The following TMEM117 variants were observed in gnomAD, a reference collection of about 807,000 sequenced individuals.
TMEM117 encodes the protein transmembrane protein 117.
A neutral mutation model predicts 52.4 loss-of-function variants in TMEM117; 27 were observed. That is an observed-to-expected ratio of 0.51 (90% CI 0.38 to 0.71). The LOEUF (loss-of-function observed/expected upper bound fraction) is 0.71, where lower values mean the gene tolerates loss of function less well. TMEM117 is among the 30% of genes least tolerant of loss of function. The pLI, the probability that TMEM117 is intolerant of heterozygous loss-of-function variation, is 0.00. For missense variants in TMEM117, 556 were observed against 630.5 expected, an observed-to-expected ratio of 0.88 and a Z score of 1.26; for synonymous variants, 215 against 206.3, an observed-to-expected ratio of 1.04 and a Z score of -0.36.
At chr12:43,889,586 T>C (rs963360418) in intron 2 of TMEM117, among the ~76,000 whole-genome samples, 1 of 152,146 alleles carries the variant, frequency 6.6e-6, no homozygotes, top group Non-Finnish European at 1.5e-5. Context: ...GACCCAGAGG[T>C]TGGGGACCCC....
chr12:44,275,159 AAAG>A (rs1950496663), intron 5 of TMEM117, among the ~76,000 whole-genome samples: 1 of 152,178 alleles, frequency 6.6e-6, no homozygotes, highest in Non-Finnish European at 1.5e-5. Flanking sequence ...ACATTTCTCA[AAAG>A]AAGACATGCA....
chr12:44,268,631 T>C (rs1950409297), intron 5 of TMEM117, among the ~76,000 whole-genome samples: 1 of 152,186 alleles, frequency 6.6e-6, no homozygotes. Context: ...ATGTATACTA[T>C]ACAGTATATG....
intron 3 of TMEM117, among the ~76,000 whole-genome samples, chr12:44,043,471 G>A (rs940554789): frequency 3.9e-5 from 6 of 152,112 alleles, no homozygotes; most frequent in Non-Finnish European, 5.9e-5. Context: ...GTTTGTAAAC[G>A]CTGATGAAAC....
At chr12:43,799,355 C>T in the TMEM117 span, 1 of 1,301,706 alleles carries the variant, frequency 7.7e-7, no homozygotes, top group Non-Finnish European at 1.1e-6. Context: ...ACAGTATTTT[C>T]AAACACTTAA....
intron 5 of TMEM117, among the ~76,000 whole-genome samples, chr12:44,214,138 ATTTTTTTTT>A (rs773352634): frequency 2.1e-4 from 21 of 99,284 alleles, no homozygotes; most frequent in South Asian, 1.6e-3. Flanking sequence ...TTTTTTTTTA[ATTTTTTTTT>A]TTTTTTTTTT....
intron 6 of TMEM117, among the ~76,000 whole-genome samples, chr12:44,330,563 T>C (rs1042358603): frequency 2.6e-5 from 4 of 152,086 alleles, no homozygotes; most frequent in African/African-American, 7.2e-5. Context: ...TCATACTAAG[T>C]TGTTAGTGTG....
At chr12:43,835,018 A>G (rs1247021108), upstream of TMEM117, among the ~76,000 whole-genome samples, 5 of 152,210 alleles carry the variant, frequency 3.3e-5, no homozygotes, top group Non-Finnish European at 5.9e-5. Context: ...CTCTGCCTTC[A>G]TAAGTTTGCT....
intron 2 of TMEM117, among the ~76,000 whole-genome samples, chr12:43,906,974 T>C (rs978847078): frequency 4.6e-5 from 7 of 152,294 alleles, no homozygotes; most frequent in South Asian, 2.1e-4. Flanking sequence ...CTGGGAAGCT[T>C]GAACTGGGTG....
chr12:43,870,816 C>T (rs1249729370), intron 2 of TMEM117, among the ~76,000 whole-genome samples: 1 of 151,932 alleles, frequency 6.6e-6, no homozygotes, highest in African/African-American at 2.4e-5. Flanking sequence ...CGGAGTATCG[C>T]TGTTGTTGCC....
chr12:43,975,467 T>C (rs909191998), intron 3 of TMEM117, among the ~76,000 whole-genome samples: 2 of 152,166 alleles, frequency 1.3e-5, no homozygotes, highest in African/African-American at 4.8e-5. Flanking sequence ...TTAATGCTCA[T>C]GACAGTTTAG....
At chr12:44,321,594 C>A (rs1422130335) in intron 6 of TMEM117, among the ~76,000 whole-genome samples, 1 of 152,052 alleles carries the variant, frequency 6.6e-6, no homozygotes, top group African/African-American at 2.4e-5. Flanking sequence ...TCTGGTGACT[C>A]CCACCCAGAG....
intron 2 of TMEM117, among the ~76,000 whole-genome samples, chr12:43,939,266 A>G (rs891798024): frequency 2.0e-5 from 3 of 152,276 alleles, no homozygotes; most frequent in African/African-American, 7.2e-5. Context: ...CAAATCATAT[A>G]TAGGTTGGCC....
intron 5 of TMEM117, among the ~76,000 whole-genome samples, chr12:44,254,218 G>A (rs542397415): frequency 1.4e-4 from 21 of 152,054 alleles, no homozygotes; most frequent in Admixed American, 1.1e-3. Context: ...ATATATTCTT[G>A]ACAGAAAATA....
chr12:44,233,110 C>T (rs114040789), intron 5 of TMEM117, among the ~76,000 whole-genome samples: 12 of 151,118 alleles, frequency 7.9e-5, no homozygotes, highest in South Asian at 4.2e-4. Context: ...TTTATCTTTT[C>T]TCTCTCTGTC....
At position 43,844,751 on chromosome 12, in the gene TMEM117, C is replaced by A; in HGVS notation, c.100C>A (p.Pro34Thr). 6.2e-7 allele frequency: 1 copy of A among 1,614,086 alleles called. No individual in the cohort carries two copies. The change falls in exon 2 of 8, where the codon CCA (proline) becomes ACA (threonine). Residue 34 changes from proline (P) to threonine (T), a missense_variant. By Grantham distance (38) the Pro-to-Thr change is conservative. Coordinates refer to ENST00000266534, the MANE Select transcript of TMEM117 (RefSeq NM_032256.3). Reference sequence around the variant, plus strand: ...TAACTTCTTAATATTTGCGGAGGACCCAGTTTCTCATAGCCAAACAGAAGC... The same window carrying A: ...TAACTTCTTAATATTTGCGGAGGACACAGTTTCTCATAGCCAAACAGAAGC... ...FFNFLIFAED[P>T]VSHSQTEANV...
intron 2 of TMEM117, among the ~76,000 whole-genome samples, chr12:43,847,237 A>G (rs564541001): frequency 6.6e-6 from 1 of 152,316 alleles, no homozygotes; most frequent in South Asian, 2.1e-4. Flanking sequence ...GGGACTTAAG[A>G]CACAGGTAGA....
Position 43,889,117 on chromosome 12 carries a change from T to C in TMEM117, c.277+44189T>C, listed in dbSNP as rs184010282. On this transcript the variant is annotated intron_variant, in intron 2 of 7. Transcript: ENST00000266534. Reference sequence around the variant, plus strand: ...TTTTTTTTGAGATGGAGTTTTGCTCTTGTCACCCAAGCTGGAGTGCAATGG... The same window carrying C: ...TTTTTTTTGAGATGGAGTTTTGCTCCTGTCACCCAAGCTGGAGTGCAATGG... Among the ~76,000 whole-genome samples, 13 of 149,628 alleles carry C rather than the reference T, an allele frequency of 8.7e-5. 1 individual carries two copies. The East Asian group carries it at 2.6e-3, about 30-fold the overall frequency.
At chr12:44,036,774 A>T (rs917364140) in intron 3 of TMEM117, among the ~76,000 whole-genome samples, 1 of 152,196 alleles carries the variant, frequency 6.6e-6, no homozygotes, top group Admixed American at 6.5e-5. Flanking sequence ...GTGTATCTTC[A>T]ACTTTGTTAC....
At chr12:44,374,646 G>GTGTGTGTA (rs1459762510) in intron 6 of TMEM117, among the ~76,000 whole-genome samples, 1 of 151,298 alleles carries the variant, frequency 6.6e-6, no homozygotes, top group African/African-American at 2.4e-5. Flanking sequence ...GTGTGTGTGT[G>GTGTGTGTA]TGTGTGTGTA....
Sources: allele counts gnomAD v4.1 joint callset (sites outside exome capture counted in the v4.1 genomes callset), GRCh38; gene constraint gnomAD v4.1.1; transcripts MANE v1.5; gene names NCBI Gene and HGNC (gene_info 2026-07-23, HGNC 2026-07-21).